Variants in UBE2D2 observed in about 807,000 individuals in gnomAD.
UBE2D2 encodes the protein ubiquitin-conjugating enzyme E2 D2.
A neutral mutation model predicts 24.2 loss-of-function variants in UBE2D2; 2 were observed. That is an observed-to-expected ratio of 0.08 (90% CI 0.03 to 0.26). The LOEUF (loss-of-function observed/expected upper bound fraction) is 0.26, where lower values mean the gene tolerates loss of function less well. UBE2D2 is among the 10% of genes least tolerant of loss of function. The probability of loss-of-function intolerance (pLI) is 1.00; values close to 1 mark genes in which losing one functional copy is unlikely to be tolerated. For missense variants in UBE2D2, 44 were observed against 177.6 expected (o/e 0.25, Z 4.28); for synonymous variants, 58 against 56.5 (o/e 1.03, Z -0.12).
At chr5:139,580,571 C>T (rs1753578557) in intron 1 of UBE2D2, among the ~76,000 whole-genome samples, 1 of 152,170 alleles carries the variant, frequency 6.6e-6, no homozygotes, top group African/African-American at 2.4e-5. Context: ...AAGCAATTCT[C>T]CTGCCTCTGG....
intron 1 of UBE2D2, among the ~76,000 whole-genome samples, chr5:139,597,002 G>A (rs576776099): frequency 3.3e-4 from 50 of 151,786 alleles, no homozygotes; most frequent in Admixed American, 2.0e-3. Context: ...AGCCAAGATC[G>A]TGCCACTGCA....
intron 1 of UBE2D2, among the ~76,000 whole-genome samples, chr5:139,529,404 T>C (rs547586477): frequency 6.6e-6 from 1 of 152,272 alleles, no homozygotes; most frequent in South Asian, 2.1e-4. Context: ...CAGCATGGGA[T>C]AAGATGCAGT....
chr5:139,526,923 C>T (rs746107466), intron 1 of UBE2D2, among the ~76,000 whole-genome samples: 4 of 152,098 alleles, frequency 2.6e-5, no homozygotes, highest in Non-Finnish European at 4.4e-5. Context: ...TTGGTATAAA[C>T]GGTAAAAGTG....
chr5:139,589,299 T>G (rs1753794255), intron 1 of UBE2D2, among the ~76,000 whole-genome samples: 1 of 152,052 alleles, frequency 6.6e-6, no homozygotes, highest in Non-Finnish European at 1.5e-5. Context: ...TGGCTCGTGC[T>G]TGTATTCCCA....
At chr5:139,605,170 T>G (rs1235976876) in intron 2 of UBE2D2, among the ~76,000 whole-genome samples, 1 of 152,218 alleles carries the variant, frequency 6.6e-6, no homozygotes. Context: ...GATTTTAATG[T>G]TGATATTTAG....
intron 5 of UBE2D2, among the ~76,000 whole-genome samples, chr5:139,621,338 C>T (rs1754510742): frequency 6.6e-6 from 1 of 152,216 alleles, no homozygotes; most frequent in Non-Finnish European, 1.5e-5. Context: ...TTGTCTGCTA[C>T]ATCCCAGGTT....
chr5:139,586,939 GTC>G (rs1019325265), intron 1 of UBE2D2, among the ~76,000 whole-genome samples: 65 of 152,202 alleles, frequency 4.3e-4, no homozygotes, highest in African/African-American at 1.5e-3. Flanking sequence ...TAGAGACAGA[GTC>G]TGTTGCCTAG....
intron 2 of UBE2D2, among the ~76,000 whole-genome samples, chr5:139,605,144 T>C (rs1754171203): frequency 6.6e-6 from 1 of 152,176 alleles, no homozygotes; most frequent in Non-Finnish European, 1.5e-5. Flanking sequence ...ACTTGTGCTT[T>C]ATTTTAAAAC....
chr5:139,622,546 A>T (rs953246655), intron 5 of UBE2D2, among the ~76,000 whole-genome samples: 1 of 146,780 alleles, frequency 6.8e-6, no homozygotes, highest in South Asian at 2.3e-4. Context: ...GCCAGCCTTC[A>T]TTTTTATTTT....
At chr5:139,626,262 G>T (rs1754626498) in intron 6 of UBE2D2, among the ~76,000 whole-genome samples, 1 of 151,648 alleles carries the variant, frequency 6.6e-6, no homozygotes, top group Admixed American at 6.6e-5. Flanking sequence ...TAGAGACAGG[G>T]TTTTATCATG....
intron 1 of UBE2D2, among the ~76,000 whole-genome samples, chr5:139,567,257 G>A (rs1179702190): frequency 6.6e-6 from 1 of 151,858 alleles, no homozygotes; most frequent in South Asian, 2.1e-4. Flanking sequence ...GCACCACCAC[G>A]CCCAGCTAAT....
intron 1 of UBE2D2, among the ~76,000 whole-genome samples, chr5:139,553,694 T>C (rs1464337450): frequency 6.6e-6 from 1 of 152,186 alleles, no homozygotes; most frequent in African/African-American, 2.4e-5. Context: ...CTTTACACCC[T>C]TTAAAAATTT....
At chr5:139,615,007 C>T (rs755692162) in intron 5 of UBE2D2, 41 bp downstream of exon 5, 1 of 1,520,842 alleles carries the variant, frequency 6.6e-7, no homozygotes, top group Non-Finnish European at 9.0e-7. Flanking sequence ...GCAACCGTGT[C>T]TTTTGTCTTT....
intron 2 of UBE2D2, among the ~76,000 whole-genome samples, chr5:139,614,182 A>G (rs570587678): frequency 1.3e-5 from 2 of 152,236 alleles, no homozygotes; most frequent in Admixed American, 6.5e-5. Flanking sequence ...AAGTTTGTCT[A>G]CCTGACATGA....
chr5:139,526,840 T>C (rs1478148046), intron 1 of UBE2D2, among the ~76,000 whole-genome samples: 1 of 152,284 alleles, frequency 6.6e-6, no homozygotes, highest in Non-Finnish European at 1.5e-5. Flanking sequence ...CTTGAATTGC[T>C]GGATACTTTA....
Position 139,548,163 on chromosome 5 carries a change from C to CAAAAA in UBE2D2, c.-64+21567_-64+21571dup, listed in dbSNP as rs749269739. Among the ~76,000 whole-genome samples the CAAAAA allele has an allele frequency of 5.5e-4, 18 of 32,940 alleles. 1 individual carries two copies. The highest frequency in any genetic ancestry group is 6.2e-4 in the African/African-American group (8 of 12,864). The allele number at this position is 32,940 out of a possible 152,430, so 21.6% of individuals were successfully genotyped here. Reference sequence around the variant, plus strand: ...TGGGCGACAGAGCGAGACTCCGTCTCAAAAAAAAAAAAAAAAAAAATAAAA... The same window carrying CAAAAA: ...TGGGCGACAGAGCGAGACTCCGTCTCAAAAAAAAAAAAAAAAAAAAAAAAATAAAA... On this transcript the variant is annotated intron_variant, in intron 1 of 6. Coordinates refer to the UBE2D2 transcript ENST00000511725.
intron 1 of UBE2D2, among the ~76,000 whole-genome samples, chr5:139,579,063 G>T (rs546242170): frequency 1.3e-5 from 2 of 152,266 alleles, no homozygotes; most frequent in African/African-American, 4.8e-5. Context: ...TGCCTCCCAG[G>T]TTCAAGTGAT....
chr5:139,605,417 C>G (rs967344286), intron 2 of UBE2D2, among the ~76,000 whole-genome samples: 3 of 151,568 alleles, frequency 2.0e-5, no homozygotes, highest in Non-Finnish European at 4.4e-5. Context: ...ATGGTGAAAC[C>G]CCGTCTCTAC....
intron 1 of UBE2D2, among the ~76,000 whole-genome samples, chr5:139,548,278 G>A (rs1752865552): frequency 6.6e-6 from 1 of 150,504 alleles, no homozygotes; most frequent in Non-Finnish European, 1.5e-5. Context: ...TATATGCACG[G>A]CCTCTCATTC....
Sources: gnomAD v4.1 joint callset for allele counts (sites outside exome capture counted in the v4.1 genomes callset) on GRCh38, gnomAD v4.1.1 for gene constraint, MANE v1.5 for transcripts, NCBI Gene and HGNC (gene_info 2026-07-23, HGNC 2026-07-21) for gene names.